IL1RAPL2: variants seen among roughly 807,000 people sequenced by gnomAD.
IL1RAPL2 encodes interleukin 1 receptor accessory protein like 2.
In IL1RAPL2, 3 loss-of-function variants were observed where a neutral mutation model predicts 44.1. The observed-to-expected ratio is 0.07, with a 90% CI of 0.03 to 0.18. The LOEUF (loss-of-function observed/expected upper bound fraction) is 0.18, where lower values mean the gene tolerates loss of function less well. IL1RAPL2 is among the 10% of genes least tolerant of loss of function. The pLI is 1.00. For synonymous variants in IL1RAPL2, 181 were observed against 178.8 expected (o/e 1.01, Z -0.10); for missense variants, 391 against 496.4 (o/e 0.79, Z 2.02).
At chrX:105,174,284 T>A (rs1010809000) in intron 2 of IL1RAPL2, among the ~76,000 whole-genome samples, 1 of 111,940 alleles carries the variant, frequency 8.9e-6, no homozygotes, top group Non-Finnish European at 1.9e-5. Flanking sequence ...ACTCACTCCA[T>A]TCTCTTGGCA....
intron 5 of IL1RAPL2, among the ~76,000 whole-genome samples, chrX:105,399,906 G>T (rs1267939958): frequency 9.0e-6 from 1 of 110,995 alleles, no homozygotes; most frequent in Non-Finnish European, 1.9e-5. Context: ...ATGGGGCAGG[G>T]TGGGAAGTTT....
intron 6 of IL1RAPL2, among the ~76,000 whole-genome samples, chrX:105,663,389 C>T (rs774793307): frequency 8.9e-6 from 1 of 111,735 alleles, no homozygotes; most frequent in South Asian, 3.7e-4. Flanking sequence ...GTGCCATTCC[C>T]AGTTGAGAGA....
chrX:105,549,543 C>T lies in IL1RAPL2; in HGVS notation c.772+65156C>T, dbSNP rs755097980. Among the ~76,000 whole-genome samples the T allele has an allele frequency of 1.2e-4, 13 of 111,223 alleles. No individual in the cohort carries two copies. The East Asian group carries it at 3.4e-3, about 29-fold the overall frequency. ...TACAGAGAACTGTTGTACCCATGGG[C>T]TTATCCTTCCTATCCAATGACTAAG... On this transcript the variant is annotated intron_variant, in intron 6 of 10. Coordinates refer to ENST00000372582, the MANE Select transcript of IL1RAPL2 (RefSeq NM_017416.2).
chrX:104,788,093 A>G (rs1280597051), intron 2 of IL1RAPL2, among the ~76,000 whole-genome samples: 2 of 112,084 alleles, frequency 1.8e-5, no homozygotes, highest in Admixed American at 1.9e-4. Context: ...TGGAAAAAGA[A>G]GAGTTTTACA....
chrX:104,809,612 T>C (rs1932956680), intron 2 of IL1RAPL2, among the ~76,000 whole-genome samples: 2 of 109,838 alleles, frequency 1.8e-5, no homozygotes. Flanking sequence ...GAGTTCATTG[T>C]AGATTCTGGA....
chrX:105,388,654 T>G (rs1175940557), intron 5 of IL1RAPL2, among the ~76,000 whole-genome samples: 1 of 111,049 alleles, frequency 9.0e-6, no homozygotes, highest in Non-Finnish European at 1.9e-5. Context: ...ACTGGAAGGC[T>G]TGCATCCCTC....
intron 4 of IL1RAPL2, among the ~76,000 whole-genome samples, chrX:105,255,638 C>G (rs1327976228): frequency 1.8e-5 from 2 of 111,393 alleles, no homozygotes; most frequent in African/African-American, 3.3e-5. Context: ...ATTTGGATGC[C>G]CTTTATTTCT....
At chrX:105,446,693 C>A (rs939250458) in intron 5 of IL1RAPL2, among the ~76,000 whole-genome samples, 7 of 110,184 alleles carry the variant, frequency 6.4e-5, no homozygotes, top group Admixed American at 9.8e-5. Context: ...AATAAGAAAT[C>A]CACACTTTAA....
intron 2 of IL1RAPL2, among the ~76,000 whole-genome samples, chrX:104,971,105 T>C (rs1379345028): frequency 8.9e-6 from 1 of 111,857 alleles, no homozygotes; most frequent in Non-Finnish European, 1.9e-5. Context: ...CCCAGCACTT[T>C]GGGAGGCTGA....
chrX:104,721,702 G>T (rs1931679723), intron 2 of IL1RAPL2, among the ~76,000 whole-genome samples: 1 of 110,781 alleles, frequency 9.0e-6, no homozygotes, highest in African/African-American at 3.3e-5. Context: ...TTAAAAAAAT[G>T]CATACAAATA....
rs1249375759 is a variant in IL1RAPL2, at chrX:104,623,280, G to T, written c.-19-35615G>T. ...ATATTTGGCTTCATATGCCTTGGCTGCTTGGTAGAAGTCATCCCATATTGA... is the reference window on the plus strand; with the variant it reads ...ATATTTGGCTTCATATGCCTTGGCTTCTTGGTAGAAGTCATCCCATATTGA... On this transcript the variant is annotated intron_variant, in intron 1 of 10. Transcript: ENST00000372582. Among the ~76,000 whole-genome samples, 4 of 110,208 alleles carry T rather than the reference G, an allele frequency of 3.6e-5. No individual in the cohort carries two copies. The East Asian group carries it at 1.1e-3, about 32-fold the overall frequency.
intron 2 of IL1RAPL2, among the ~76,000 whole-genome samples, chrX:105,193,920 A>G (rs1474678258): frequency 6.3e-5 from 7 of 111,866 alleles, no homozygotes; most frequent in African/African-American, 2.3e-4. Context: ...GCAGTGTGTA[A>G]TAACAGCCCA....
chrX:104,751,105 G>T (rs1483036619), intron 2 of IL1RAPL2, among the ~76,000 whole-genome samples: 2 of 111,344 alleles, frequency 1.8e-5, no homozygotes, highest in Non-Finnish European at 3.8e-5. Context: ...CTTCATTTCT[G>T]ACCACTGATG....
intron 1 of IL1RAPL2, among the ~76,000 whole-genome samples, chrX:104,630,354 G>A (rs1413227272): frequency 9.0e-6 from 1 of 110,721 alleles, no homozygotes; most frequent in Non-Finnish European, 1.9e-5. Context: ...TCACCATGTT[G>A]GTCAAGCTGC....
intron 5 of IL1RAPL2, among the ~76,000 whole-genome samples, chrX:105,439,115 C>A (rs895695842): frequency 5.4e-5 from 6 of 111,458 alleles, no homozygotes; most frequent in Non-Finnish European, 1.1e-4. Context: ...GAGGCCTTTG[C>A]AGCCATGTGG....
intron 5 of IL1RAPL2, among the ~76,000 whole-genome samples, chrX:105,461,536 C>T (rs1167422951): frequency 9.0e-6 from 1 of 111,258 alleles, no homozygotes; most frequent in Non-Finnish European, 1.9e-5. Context: ...AATCCCTACA[C>T]ATATGCATAC....
intron 5 of IL1RAPL2, among the ~76,000 whole-genome samples, chrX:105,280,922 T>G (rs1161929810): frequency 9.0e-6 from 1 of 111,609 alleles, no homozygotes; most frequent in Admixed American, 9.5e-5. Flanking sequence ...ATCCCATTAC[T>G]GGGTATATAC....
At chrX:104,790,258 G>T (rs998365755) in intron 2 of IL1RAPL2, among the ~76,000 whole-genome samples, 5 of 112,149 alleles carry the variant, frequency 4.5e-5, no homozygotes, top group Non-Finnish European at 7.5e-5. Flanking sequence ...GGAAGAAAAA[G>T]ATGGATGCTG....
chrX:105,150,767 T>C (rs758377718), intron 2 of IL1RAPL2, among the ~76,000 whole-genome samples: 3 of 112,025 alleles, frequency 2.7e-5, no homozygotes, highest in Non-Finnish European at 3.8e-5. Context: ...ACACTTGTAT[T>C]ACCAGTATGG....
Sources: gnomAD v4.1 joint callset for allele counts (sites outside exome capture counted in the v4.1 genomes callset) on GRCh38, gnomAD v4.1.1 for gene constraint, MANE v1.5 for transcripts, NCBI Gene and HGNC (gene_info 2026-07-23, HGNC 2026-07-21) for gene names.